C1orf21: variants seen among roughly 807,000 people sequenced by gnomAD.
C1orf21 encodes the protein uncharacterized protein C1orf21.
C1orf21 carries 3 observed loss-of-function variants against 18.7 expected under a neutral mutation model. The ratio of observed to expected loss-of-function variants is 0.16; its 90% CI spans 0.07 to 0.42. The LOEUF (loss-of-function observed/expected upper bound fraction) is 0.42. Ranked by LOEUF, C1orf21 falls within the 10% of genes least tolerant of loss-of-function variation. The pLI, the probability that C1orf21 is intolerant of heterozygous loss-of-function variation, is 0.99. For missense variants in C1orf21, 104 were observed against 143.6 expected, an observed-to-expected ratio of 0.72 and a Z score of 1.41; for synonymous variants, 41 against 46.4, an observed-to-expected ratio of 0.88 and a Z score of 0.47.
At chr1:184,414,896 T>G (rs1391938225) in intron 1 of C1orf21, among the ~76,000 whole-genome samples, 1 of 152,162 alleles carries the variant, frequency 6.6e-6, no homozygotes, top group Admixed American at 6.5e-5. Flanking sequence ...CTTACTTTTG[T>G]GTGGGGGGAA....
At chr1:184,476,738 G>A (rs1232888851) in intron 1 of C1orf21, among the ~76,000 whole-genome samples, 1 of 152,090 alleles carries the variant, frequency 6.6e-6, no homozygotes, top group South Asian at 2.1e-4. Flanking sequence ...TAAAACATTT[G>A]GCTAGCTAAG....
intron 3 of C1orf21, among the ~76,000 whole-genome samples, chr1:184,512,862 G>C (rs956983600): frequency 1.3e-5 from 2 of 152,220 alleles, no homozygotes; most frequent in Admixed American, 1.3e-4. Flanking sequence ...GTGAGCGGCA[G>C]GCGGGTGAGA....
intron 3 of C1orf21, among the ~76,000 whole-genome samples, chr1:184,552,958 A>G (rs888437069): frequency 9.2e-5 from 14 of 152,218 alleles, no homozygotes; most frequent in Admixed American, 2.0e-4. Flanking sequence ...CTGCTCAACA[A>G]TGAAGTTATT....
At chr1:184,600,948 C>T (rs945632207) in intron 5 of C1orf21, among the ~76,000 whole-genome samples, 22 of 152,220 alleles carry the variant, frequency 1.4e-4, no homozygotes, top group African/African-American at 4.6e-4. Flanking sequence ...AGTCTGCCAT[C>T]GTTTATATAA....
intron 5 of C1orf21, among the ~76,000 whole-genome samples, chr1:184,609,800 T>C (rs74134119): frequency 0.011 from 1,720 of 152,256 alleles, 30 homozygotes; most frequent in African/African-American, 0.038. Flanking sequence ...TAAAACACTG[T>C]GTCTATAATA....
chr1:184,505,348 T>C (rs368259354), intron 2 of C1orf21, among the ~76,000 whole-genome samples: 33 of 117,904 alleles, frequency 2.8e-4, no homozygotes, highest in Non-Finnish European at 4.7e-4. Context: ...TATACACACA[T>C]GCCATATATA....
In C1orf21 at chr1:184,500,514, A is replaced by C. The variant is rs551557677; in HGVS notation, c.95-7074A>C. Among the ~76,000 whole-genome samples, 5 of 152,252 alleles carry C rather than the reference A, an allele frequency of 3.3e-5. No homozygotes were observed. The East Asian group carries it at 9.7e-4, about 29-fold the overall frequency. ...GCGCCTTTCATCTTGTGCTCTCAAA[A>C]ACATGGGCAAGACCCTAGGATTGCT... On this transcript the variant is annotated intron_variant, in intron 2 of 5. Transcript: ENST00000235307.
intron 1 of C1orf21, among the ~76,000 whole-genome samples, chr1:184,410,665 T>TATATATATATAAAATATATATA (rs1557965191): frequency 6.1e-5 from 1 of 16,516 alleles, no homozygotes; most frequent in Non-Finnish European, 8.8e-5. Context: ...ATATATATAT[T>TATATATATATAAAATATATATA]TTTTTTTTTT....
chr1:184,491,517 AT>A (rs1164977658), intron 2 of C1orf21, among the ~76,000 whole-genome samples: 1 of 151,958 alleles, frequency 6.6e-6, no homozygotes, highest in African/African-American at 2.4e-5. Context: ...TGCCCAGCTA[AT>A]TTTTTGTATT....
intron 5 of C1orf21, among the ~76,000 whole-genome samples, chr1:184,616,872 G>A (rs943128294): frequency 2.0e-5 from 3 of 152,252 alleles, no homozygotes; most frequent in African/African-American, 7.2e-5. Flanking sequence ...AGGGACTTCG[G>A]TTTCTGCCGT....
chr1:184,393,558 GTATGT>G (rs1656005556), intron 1 of C1orf21, among the ~76,000 whole-genome samples: 1 of 152,172 alleles, frequency 6.6e-6, no homozygotes, highest in Admixed American at 6.5e-5. Flanking sequence ...TTTGATTCTA[GTATGT>G]TATATTGTTG....
At chr1:184,567,269 G>A (rs1659047689) in intron 3 of C1orf21, 1 of 460,992 alleles carries the variant, frequency 2.2e-6, no homozygotes, top group African/African-American at 2.0e-5. Flanking sequence ...GAAGGAGACT[G>A]TAAAGGAATT....
intron 1 of C1orf21, among the ~76,000 whole-genome samples, chr1:184,474,190 C>T (rs1014276125): frequency 1.6e-4 from 25 of 152,148 alleles, no homozygotes; most frequent in African/African-American, 6.0e-4. Flanking sequence ...ATTTGAATTA[C>T]TGCTATAAAA....
chr1:184,596,302 C>T lies in C1orf21; in HGVS notation c.267-2099C>T, dbSNP rs557057025. Reference sequence around the variant, plus strand: ...TATAGATGAGGACTCAGGCCCTGCACATCACCCCTGCTGACAAACTCTGCT... The same window carrying T: ...TATAGATGAGGACTCAGGCCCTGCATATCACCCCTGCTGACAAACTCTGCT... On this transcript the variant is annotated intron_variant, in intron 4 of 5. Transcript: ENST00000235307. 1.1e-4 allele frequency among the ~76,000 whole-genome samples: 16 copies of T among 152,290 alleles called. No individual in the cohort carries two copies. The East Asian group carries it at 2.7e-3, about 26-fold the overall frequency.
At chr1:184,548,896 CAT>C (rs906252010) in intron 3 of C1orf21, among the ~76,000 whole-genome samples, 1 of 151,802 alleles carries the variant, frequency 6.6e-6, no homozygotes. Context: ...TTAAAATTAC[CAT>C]AGTTATCAGA....
chr1:184,572,603 A>T (rs1659128069), intron 3 of C1orf21, among the ~76,000 whole-genome samples: 1 of 152,190 alleles, frequency 6.6e-6, no homozygotes, highest in African/African-American at 2.4e-5. Flanking sequence ...ATCATTGGTA[A>T]AAGTTTCTAC....
intron 1 of C1orf21, among the ~76,000 whole-genome samples, chr1:184,439,137 G>C (rs1250363795): frequency 6.6e-6 from 1 of 152,096 alleles, no homozygotes; most frequent in Admixed American, 6.5e-5. Context: ...CTTGAACCCA[G>C]GAGGCGAAGG....
intron 1 of C1orf21, among the ~76,000 whole-genome samples, chr1:184,457,738 T>A (rs1263829234): frequency 6.6e-6 from 1 of 152,178 alleles, no homozygotes; most frequent in East Asian, 1.9e-4. Context: ...CTATGGGCTG[T>A]AACATAAATA....
chr1:184,397,817 C>T (rs569890414), intron 1 of C1orf21, among the ~76,000 whole-genome samples: 4 of 152,094 alleles, frequency 2.6e-5, no homozygotes, highest in South Asian at 2.1e-4. Context: ...TAAGTGTGTG[C>T]GTTAATTTGT....
Sources: allele counts gnomAD v4.1 joint callset (sites outside exome capture counted in the v4.1 genomes callset), GRCh38; gene constraint gnomAD v4.1.1; transcripts MANE v1.5; gene names NCBI Gene and HGNC (gene_info 2026-07-23, HGNC 2026-07-21).